GLIS3: variants seen among roughly 807,000 people sequenced by gnomAD.
GLIS3 encodes zinc finger protein GLIS3.
A neutral mutation model predicts 78.6 loss-of-function variants in GLIS3; 53 were observed. The ratio of observed to expected loss-of-function variants is 0.67; its 90% confidence interval spans 0.54 to 0.85. The LOEUF is 0.85. Ranked by LOEUF, GLIS3 falls within the 40% of genes least tolerant of loss-of-function variation. The pLI is 0.00. For synonymous variants in GLIS3, 684 were observed against 509.9 expected, an observed-to-expected ratio of 1.34 and a Z score of -4.60; for missense variants, 1,703 against 1,231.1, an observed-to-expected ratio of 1.38 and a Z score of -5.74.
chr9:4,292,982 G>T (rs185616555), intron 1 of GLIS3, among the ~76,000 whole-genome samples: 6 of 152,288 alleles, frequency 3.9e-5, no homozygotes, highest in Admixed American at 3.3e-4. Context: ...CATGGCCAGG[G>T]TTTGAGACAC....
At chr9:4,234,946 T>C (rs927556477) in intron 2 of GLIS3, among the ~76,000 whole-genome samples, 1 of 152,114 alleles carries the variant, frequency 6.6e-6, no homozygotes, top group African/African-American at 2.4e-5. Flanking sequence ...ATACACTCCA[T>C]GGCATCAGTC....
At chr9:4,374,501 G>C in the GLIS3 span, among the ~76,000 whole-genome samples, 1 of 152,230 alleles carries the variant, frequency 6.6e-6, no homozygotes, top group Non-Finnish European at 1.5e-5. Context: ...CACAGGCTCA[G>C]CCTGAAGCCC....
At chr9:4,457,845 T>C in the GLIS3 span, among the ~76,000 whole-genome samples, 3 of 103,422 alleles carry the variant, frequency 2.9e-5, no homozygotes, top group Non-Finnish European at 6.4e-5. Flanking sequence ...CGAGACTCCA[T>C]CTCAAAAAAA....
At chr9:3,848,351 A>G (rs1046468217) in intron 9 of GLIS3, among the ~76,000 whole-genome samples, 1 of 151,910 alleles carries the variant, frequency 6.6e-6, no homozygotes, top group African/African-American at 2.4e-5. Context: ...AAATACAAAA[A>G]ATTAGCTGGG....
chr9:3,834,870 T>C (rs17742324), intron 9 of GLIS3, among the ~76,000 whole-genome samples: 8,133 of 152,288 alleles, frequency 0.053, 312 homozygotes, highest in Middle Eastern at 0.088. Flanking sequence ...AGAGGTACTA[T>C]GTTCCCTTCT....
chr9:4,217,015 G>C (rs1184279079), intron 2 of GLIS3, among the ~76,000 whole-genome samples: 34 of 152,192 alleles, frequency 2.2e-4, no homozygotes, highest in Admixed American at 2.2e-3. Flanking sequence ...CTGCTACCAG[G>C]ACTTGTGGTT....
intron 4 of GLIS3, among the ~76,000 whole-genome samples, chr9:4,083,557 C>T (rs1828736746): frequency 2.0e-5 from 3 of 152,156 alleles, no homozygotes; most frequent in Admixed American, 1.3e-4. Flanking sequence ...ATTTACTTTC[C>T]ATAGGTCATA....
the GLIS3 span, among the ~76,000 whole-genome samples, chr9:4,447,075 T>G: frequency 3.3e-5 from 5 of 151,914 alleles, no homozygotes; most frequent in South Asian, 1.0e-3. Flanking sequence ...AGAGACAAGG[T>G]CTCACTCTGT....
chr9:3,838,307 ATCTT>A lies in GLIS3; in HGVS notation c.2474-8819_2474-8816del, dbSNP rs367734130. ...AATACAGCCCTTTTACTGAGGTGAT[ATCTT>A]TCTTATTTCCATACACCCCAGTACT... On this transcript the variant is annotated intron_variant, in intron 9 of 10. Coordinates refer to ENST00000381971, the MANE Select transcript of GLIS3 (RefSeq NM_001042413.2). Among the ~76,000 whole-genome samples, 711 of 152,300 alleles carry A rather than the reference ATCTT, an allele frequency of 4.7e-3. 3 individuals carry two copies. Among genetic ancestry groups the A allele is most frequent in the African/African-American group, 0.016 (677 of 41,566 alleles).
chr9:3,960,991 G>T (rs993474287), intron 4 of GLIS3, among the ~76,000 whole-genome samples: 1 of 152,092 alleles, frequency 6.6e-6, no homozygotes, highest in African/African-American at 2.4e-5. Context: ...AAAGAATTGG[G>T]GAATTTTAAC....
intron 4 of GLIS3, among the ~76,000 whole-genome samples, chr9:3,973,592 A>T (rs1818550616): frequency 6.6e-6 from 1 of 152,218 alleles, no homozygotes. Flanking sequence ...ACCTGTTATT[A>T]CTAATCGTGC....
At chr9:4,447,367 G>A in the GLIS3 span, among the ~76,000 whole-genome samples, 4 of 152,078 alleles carry the variant, frequency 2.6e-5, no homozygotes, top group Non-Finnish European at 5.9e-5. Flanking sequence ...GAGCCACCAT[G>A]CCTGGCCTTA....
intron 2 of GLIS3, among the ~76,000 whole-genome samples, chr9:4,259,080 G>T (rs903372519): frequency 3.3e-5 from 5 of 151,912 alleles, no homozygotes; most frequent in Non-Finnish European, 7.4e-5. Context: ...AAACATTCCA[G>T]ATACTTCTCT....
At chr9:4,248,725 T>C (rs927876712) in intron 2 of GLIS3, among the ~76,000 whole-genome samples, 11 of 152,230 alleles carry the variant, frequency 7.2e-5, no homozygotes, top group Admixed American at 2.0e-4. Flanking sequence ...AGCATTCCTA[T>C]TTCTCCACAT....
intron 6 of GLIS3, among the ~76,000 whole-genome samples, chr9:3,907,621 CACAG>C (rs1315866020): frequency 0.15 from 10,150 of 68,942 alleles, 720 homozygotes; most frequent in South Asian, 0.22. Flanking sequence ...CACACACACA[CACAG>C]ACACACACAC....
At chr9:4,202,139 TC>T (rs149485139) in intron 2 of GLIS3, among the ~76,000 whole-genome samples, 13,135 of 137,400 alleles carry the variant, frequency 0.096, 704 homozygotes, top group East Asian at 0.23. Flanking sequence ...CTCTTTTTTT[TC>T]TCCCCCTTTT....
At chr9:4,280,510 C>CA (rs906065353) in intron 2 of GLIS3, among the ~76,000 whole-genome samples, 8 of 150,670 alleles carry the variant, frequency 5.3e-5, no homozygotes, top group African/African-American at 2.0e-4. Flanking sequence ...AGGCAAAATG[C>CA]AAAAAAAAGT....
the GLIS3 span, among the ~76,000 whole-genome samples, chr9:4,358,574 G>C: frequency 1.3e-5 from 2 of 152,048 alleles, no homozygotes; most frequent in African/African-American, 4.8e-5. Context: ...GGCCCAAGAA[G>C]AGAAAATATT....
chr9:4,242,113 C>G (rs1401285417), intron 2 of GLIS3, among the ~76,000 whole-genome samples: 1 of 152,074 alleles, frequency 6.6e-6, no homozygotes, highest in Non-Finnish European at 1.5e-5. Context: ...CAGGGGTGCC[C>G]CAGGAGTCTG....
Sources: allele counts gnomAD v4.1 joint callset (sites outside exome capture counted in the v4.1 genomes callset), GRCh38; gene constraint gnomAD v4.1.1; transcripts MANE v1.5; gene names NCBI Gene and HGNC (gene_info 2026-07-23, HGNC 2026-07-21).